CLEC16A: variants seen among roughly 807,000 people sequenced by gnomAD.
CLEC16A encodes the protein protein CLEC16A.
In CLEC16A, 51 loss-of-function variants were observed where a neutral mutation model predicts 109.5. The ratio of observed to expected loss-of-function variants is 0.47; its 90% confidence interval spans 0.37 to 0.59. The LOEUF (loss-of-function observed/expected upper bound fraction) is 0.59. Ranked by LOEUF, CLEC16A falls within the 20% of genes least tolerant of loss-of-function variation. The pLI, the probability that CLEC16A is intolerant of heterozygous loss-of-function variation, is 0.00. For missense variants in CLEC16A, 1,339 were observed against 1,394.0 expected (o/e 0.96, Z 0.63); for synonymous variants, 673 against 564.2 (o/e 1.19, Z -2.73).
chr16:11,142,318 G>A (rs975404852), intron 22 of CLEC16A, among the ~76,000 whole-genome samples: 1 of 152,232 alleles, frequency 6.6e-6, no homozygotes, highest in Non-Finnish European at 1.5e-5. Context: ...GTAGTTGGAA[G>A]CTGGGGGCAC....
chr16:11,010,836 G>A (rs1024264642), intron 11 of CLEC16A, among the ~76,000 whole-genome samples: 4 of 152,066 alleles, frequency 2.6e-5, no homozygotes, highest in African/African-American at 9.7e-5. Flanking sequence ...TTTCTCTTTT[G>A]CGACATTGAC....
intron 19 of CLEC16A, among the ~76,000 whole-genome samples, chr16:11,078,781 G>C (rs1441604613): frequency 6.6e-6 from 1 of 152,158 alleles, no homozygotes; most frequent in African/African-American, 2.4e-5. Flanking sequence ...TAGGCAGGAA[G>C]AGCCAAGCCC....
chr16:10,964,897 T>C (rs1332633930), intron 3 of CLEC16A, among the ~76,000 whole-genome samples: 8 of 152,160 alleles, frequency 5.3e-5, no homozygotes, highest in African/African-American at 1.9e-4. Flanking sequence ...TGTGTGCACC[T>C]TGGGTGATGA....
chr16:11,047,449 A>G (rs1363541762), intron 17 of CLEC16A, 107 bp downstream of exon 17: 3 of 654,504 alleles, frequency 4.6e-6, no homozygotes, highest in Admixed American at 7.7e-5. Flanking sequence ...TTTGTGACCA[A>G]ATAGCACAGA....
chr16:11,126,198 C>G (rs1419572686), intron 22 of CLEC16A, 52 bp downstream of exon 22: 1 of 1,609,214 alleles, frequency 6.2e-7, no homozygotes, highest in East Asian at 2.2e-5. Context: ...GGTGGGCGTT[C>G]AAGGTCTTTC....
intron 19 of CLEC16A, among the ~76,000 whole-genome samples, chr16:11,082,092 ATG>A (rs2049754849): frequency 6.6e-6 from 1 of 152,212 alleles, no homozygotes; most frequent in Non-Finnish European, 1.5e-5. Context: ...CCTCAAGTAT[ATG>A]TATGAGAATT....
chr16:11,036,483 G>A (rs1422161543), intron 13 of CLEC16A, among the ~76,000 whole-genome samples: 1 of 151,362 alleles, frequency 6.6e-6, no homozygotes, highest in African/African-American at 2.4e-5. Flanking sequence ...CTTTTGGGCT[G>A]TCTGTAGCTT....
chr16:11,133,568 G>A (rs936333379), intron 22 of CLEC16A, among the ~76,000 whole-genome samples: 7 of 152,234 alleles, frequency 4.6e-5, no homozygotes, highest in African/African-American at 1.4e-4. Context: ...CAGCTGAGCT[G>A]ACCGCAAAGC....
intron 13 of CLEC16A, among the ~76,000 whole-genome samples, chr16:11,035,120 T>C (rs1031439375): frequency 6.6e-6 from 1 of 152,216 alleles, no homozygotes; most frequent in Non-Finnish European, 1.5e-5. Flanking sequence ...ACAGTGATGG[T>C]CATGCAATGA....
At chr16:10,971,402 T>C in intron 5 of CLEC16A, 172 bp downstream of exon 5, 6 of 412,390 alleles carry the variant, frequency 1.5e-5, no homozygotes, top group Non-Finnish European at 2.0e-5. Flanking sequence ...AGCTGGCCGC[T>C]CATGGAAATC....
At position 11,101,467 on chromosome 16, in the gene CLEC16A, T is replaced by C. The variant is rs114717845; in HGVS notation, c.2117-19148T>C. Among the ~76,000 whole-genome samples the C allele has an allele frequency of 9.4e-3, 1,439 of 152,328 alleles. 22 individuals carry two copies. The highest frequency in any genetic ancestry group is 0.033 in the African/African-American group (1,368 of 41,556). ...CCCTGCATGTCCTTGACTGTCGCAC[T>C]CTGCGTGTCACACTCTGCGTGTCTT... On this transcript the variant is annotated intron_variant, in intron 19 of 23. Transcript: ENST00000409790.
intron 19 of CLEC16A, among the ~76,000 whole-genome samples, chr16:11,105,976 T>A (rs187643675): frequency 6.6e-6 from 1 of 152,198 alleles, no homozygotes; most frequent in African/African-American, 2.4e-5. Flanking sequence ...CCAAACTCTT[T>A]CCATTCAAAT....
rs59547466 is a variant in CLEC16A, at chr16:10,986,012, A to ATTTTTTTTTTTTTTTT, written c.1071+3042_1071+3057dup. On this transcript the variant is annotated intron_variant, in intron 10 of 23. Transcript: ENST00000409790. ...TGAGACACTGCACCTGGCCTGCAGA[A>ATTTTTTTTTTTTTTTT]TTTTTTTTTTTTTTTTTTTTTTTTT... Among the ~76,000 whole-genome samples, 5 of 43,454 alleles carry ATTTTTTTTTTTTTTTT rather than the reference A, an allele frequency of 1.2e-4. 1 individual carries two copies. The highest frequency in any genetic ancestry group is 4.5e-4 in the African/African-American group (4 of 8,822). The allele number at this position is 43,454 out of a possible 152,430, so 28.5% of individuals were successfully genotyped here. A position where few individuals can be genotyped will look rare whatever the true frequency, so the allele number is the denominator to read the frequency against.
chr16:11,086,791 C>G (rs886293801), intron 19 of CLEC16A, among the ~76,000 whole-genome samples: 1 of 152,118 alleles, frequency 6.6e-6, no homozygotes, highest in Non-Finnish European at 1.5e-5. Flanking sequence ...GATTGAGAGC[C>G]GAGACATTTA....
chr16:11,112,719 C>T (rs12925161), intron 19 of CLEC16A, among the ~76,000 whole-genome samples: 22,807 of 152,044 alleles, frequency 0.15, 1,793 homozygotes, highest in African/African-American at 0.21. Context: ...AAATTTTCTC[C>T]CCTCCCCAAA....
In CLEC16A at chr16:11,166,384, G is replaced by A; in HGVS notation, c.2642-4G>A. On this transcript the variant is annotated splice_polypyrimidine_tract_variant and splice_region_variant and intron_variant, in intron 22 of 23. Transcript: ENST00000409790. ...ACTTGGTCACCTGGTACTTTGTCTT[G>A]CAGGCTTCGCCGTGGCCCAGTGCAT... 6.3e-7 allele frequency: 1 copy of A among 1,594,182 alleles called. No homozygotes were observed.
In CLEC16A at chr16:10,982,929, A is replaced by G; in HGVS notation, c.1009A>G (p.Ile337Val). ...APLVNSLAEV[I>V]LNGDLSEMYA... ...GCTGGTGAACTCGTTAGCTGAAGTC[A>G]TTCTGAATGGTGATCTGTCTGAGAT... The change falls in exon 10 of 24, where the codon ATT (isoleucine) becomes GTT (valine). Residue 337 changes from isoleucine (I) to valine (V), a missense_variant. By Grantham distance (29) the Ile-to-Val change is conservative (BLOSUM62 3). Coordinates refer to ENST00000409790, the MANE Select transcript of CLEC16A (RefSeq NM_015226.3). The G allele has an allele frequency of 6.2e-7, 1 of 1,613,430 alleles. No individual in the cohort carries two copies. The highest frequency in any genetic ancestry group is 8.5e-7 in the Non-Finnish European group (1 of 1,179,376).
At position 11,181,526 on chromosome 16, in the gene CLEC16A, C is replaced by G. The variant is rs200437215; in HGVS notation, c.*2836C>G. The stretch of plus-strand genomic sequence containing the variant: ...GAGCAGGGCTGGCCGCAGGAACTCC[C>G]AAACCTTGGCTTTGAATATTGTTGT... On this transcript the variant is annotated 3_prime_UTR_variant, in exon 24 of 24. Coordinates refer to ENST00000409790, the MANE Select transcript of CLEC16A (RefSeq NM_015226.3). 5.2e-5 allele frequency: 8 copies of G among 152,482 alleles called. No homozygotes were observed. The highest frequency in any genetic ancestry group is 1.7e-4 in the African/African-American group (7 of 41,598). The allele number at this position is 152,482 out of a possible 1,614,324, so 9.4% of individuals were successfully genotyped here.
intron 7 of CLEC16A, 128 bp from the exon 8 acceptor site, chr16:10,977,097 A>C: frequency 1.2e-6 from 1 of 830,454 alleles, no homozygotes; most frequent in South Asian, 1.7e-5. Flanking sequence ...GGGCCAGGAT[A>C]AGTGTCTCTT....
Sources: gnomAD v4.1 joint callset for allele counts (sites outside exome capture counted in the v4.1 genomes callset) on GRCh38, gnomAD v4.1.1 for gene constraint, MANE v1.5 for transcripts, NCBI Gene and HGNC (gene_info 2026-07-23, HGNC 2026-07-21) for gene names.